Variants in NOL4 observed in about 807,000 individuals in gnomAD.
The protein encoded by NOL4 is cancer/testis antigen 125.
Under a neutral mutation model 75.9 loss-of-function variants are expected in NOL4, and 17 were observed. That is an observed-to-expected ratio of 0.22 (90% CI 0.15 to 0.34). The LOEUF (loss-of-function observed/expected upper bound fraction) is 0.34. Among genes scored for constraint, NOL4 ranks in the 10% least tolerant of loss-of-function variants. The pLI is 1.00. For synonymous variants in NOL4, 292 were observed against 289.9 expected (o/e 1.01, Z -0.07); for missense variants, 614 against 793.5 (o/e 0.77, Z 2.72).
chr18:34,096,697 A>G (rs1300299205), intron 4 of NOL4, among the ~76,000 whole-genome samples: 1 of 152,170 alleles, frequency 6.6e-6, no homozygotes, highest in Non-Finnish European at 1.5e-5. Flanking sequence ...CATGACTAAA[A>G]TCTCATGATA....
rs140710607 is a variant in NOL4, at chr18:34,023,532, C to T, written c.773-3931G>A. The T allele has an allele frequency of 3.3e-5, 15 of 455,288 alleles. 1 individual carries two copies. The highest frequency in any genetic ancestry group is 1.4e-4 in the East Asian group (2 of 14,366). 28.2% of individuals were successfully genotyped at this position (455,288 alleles called of 1,614,324 possible). On this transcript the variant is annotated intron_variant, in intron 5 of 10. Transcript: ENST00000261592. ...GGCCTTCAGGTTCACTGGGCCAAGG[C>T]GGTGGTTCTTCTCTCAAGGTTTCAG...
At chr18:33,874,361 G>A (rs898334237) in intron 10 of NOL4, among the ~76,000 whole-genome samples, 1 of 151,882 alleles carries the variant, frequency 6.6e-6, no homozygotes, top group South Asian at 2.1e-4. Flanking sequence ...TAAAATGTTT[G>A]ATATGAAACA....
chr18:34,080,964 T>C (rs1292728456), intron 5 of NOL4, among the ~76,000 whole-genome samples: 2 of 152,216 alleles, frequency 1.3e-5, no homozygotes, highest in African/African-American at 4.8e-5. Context: ...ATCTAGTCTA[T>C]CTGGAACTTA....
intron 4 of NOL4, among the ~76,000 whole-genome samples, chr18:34,094,097 GA>G (rs2078656200): frequency 6.6e-6 from 1 of 151,996 alleles, no homozygotes; most frequent in Non-Finnish European, 1.5e-5. Context: ...TCCCTTCAAG[GA>G]ATTTCAAGAC....
intron 9 of NOL4, among the ~76,000 whole-genome samples, chr18:33,912,166 G>A (rs1431293227): frequency 4.6e-5 from 7 of 151,964 alleles, no homozygotes; most frequent in African/African-American, 1.7e-4. Context: ...AGTCAGTTAG[G>A]GGGCAGATTT....
intron 6 of NOL4, among the ~76,000 whole-genome samples, chr18:34,006,505 C>G (rs1221182986): frequency 6.6e-6 from 1 of 152,034 alleles, no homozygotes. Flanking sequence ...GGTAACCAGC[C>G]AGCTATCTGG....
intron 1 of NOL4, among the ~76,000 whole-genome samples, chr18:34,130,662 A>G (rs991356607): frequency 6.6e-6 from 1 of 152,070 alleles, no homozygotes; most frequent in Non-Finnish European, 1.5e-5. Flanking sequence ...TCTCTCCTAT[A>G]AAATAAAGAG....
intron 10 of NOL4, among the ~76,000 whole-genome samples, chr18:33,879,291 A>C (rs1434037856): frequency 6.6e-6 from 1 of 152,058 alleles, no homozygotes; most frequent in Non-Finnish European, 1.5e-5. Flanking sequence ...TAGTTTATGC[A>C]TCCAATAGTA....
intron 9 of NOL4, among the ~76,000 whole-genome samples, chr18:33,887,367 T>A (rs1024850903): frequency 2.0e-5 from 3 of 151,440 alleles, no homozygotes; most frequent in Non-Finnish European, 4.4e-5. Flanking sequence ...TATTATTATA[T>A]TTTAATTCTG....
At chr18:33,938,201 C>T (rs1463034050) in intron 9 of NOL4, among the ~76,000 whole-genome samples, 1 of 151,994 alleles carries the variant, frequency 6.6e-6, no homozygotes, top group Admixed American at 6.6e-5. Flanking sequence ...AGTTTTCTTA[C>T]ATGTAAATGA....
intron 1 of NOL4, among the ~76,000 whole-genome samples, chr18:34,147,651 T>A (rs997682213): frequency 6.6e-6 from 1 of 151,884 alleles, no homozygotes; most frequent in African/African-American, 2.4e-5. Context: ...CATCAATGTT[T>A]ATAATGGATA....
chr18:33,978,212 T>C (rs887185665), intron 6 of NOL4, among the ~76,000 whole-genome samples: 2 of 152,212 alleles, frequency 1.3e-5, no homozygotes, highest in Non-Finnish European at 2.9e-5. Flanking sequence ...TTAATATTTA[T>C]TGAAAGATAT....
intron 6 of NOL4, among the ~76,000 whole-genome samples, chr18:33,961,106 A>C (rs2070084387): frequency 6.6e-6 from 1 of 151,924 alleles, no homozygotes; most frequent in Non-Finnish European, 1.5e-5. Context: ...ATATTACATT[A>C]TAAATGGTTT....
At chr18:33,933,487 C>A (rs1448288295) in intron 9 of NOL4, among the ~76,000 whole-genome samples, 2 of 152,222 alleles carry the variant, frequency 1.3e-5, no homozygotes, top group East Asian at 3.9e-4. Context: ...GTATTTTGCC[C>A]ATAGTAGAGC....
intron 5 of NOL4, among the ~76,000 whole-genome samples, chr18:34,033,277 A>C (rs2075730548): frequency 6.6e-6 from 1 of 152,172 alleles, no homozygotes; most frequent in Non-Finnish European, 1.5e-5. Context: ...GTGAGTTACA[A>C]TAGAAATCTG....
chr18:33,929,396 A>C, intron 9 of NOL4, among the ~76,000 whole-genome samples: 1 of 152,150 alleles, frequency 6.6e-6, no homozygotes, highest in East Asian at 1.9e-4. Flanking sequence ...CTCCTCTAGG[A>C]AGCCCTCCTG....
chr18:34,208,880 C>A (rs984830069), intron 1 of NOL4, among the ~76,000 whole-genome samples: 3 of 150,634 alleles, frequency 2.0e-5, no homozygotes, highest in Non-Finnish European at 4.4e-5. Context: ...GAAAAGAAAA[C>A]TGTAATTATC....
chr18:33,908,543 G>A (rs1042806406), intron 9 of NOL4, among the ~76,000 whole-genome samples: 2 of 152,020 alleles, frequency 1.3e-5, no homozygotes, highest in Non-Finnish European at 2.9e-5. Context: ...TCATAAAATT[G>A]TGATCTTAAT....
chr18:33,930,682 T>G (rs1166256229), intron 9 of NOL4, among the ~76,000 whole-genome samples: 1 of 152,184 alleles, frequency 6.6e-6, no homozygotes, highest in Admixed American at 6.6e-5. Flanking sequence ...GCACACATTT[T>G]TTAGGACTCT....
Sources: gnomAD v4.1 joint callset for allele counts (sites outside exome capture counted in the v4.1 genomes callset) on GRCh38, gnomAD v4.1.1 for gene constraint, MANE v1.5 for transcripts, NCBI Gene and HGNC (gene_info 2026-07-23, HGNC 2026-07-21) for gene names.